The following CDIN1 variants were observed in gnomAD, a reference collection of about 807,000 sequenced individuals.
CDIN1 encodes the protein CDAN1-interacting nuclease 1.
In CDIN1, 33 loss-of-function variants were observed where a neutral mutation model predicts 45.3. That is an observed-to-expected ratio of 0.73 (90% confidence interval 0.55 to 0.97). CDIN1 has a LOEUF of 0.97. CDIN1 is among the 50% of genes least tolerant of loss of function. The pLI is 0.00. For synonymous variants in CDIN1, 118 were observed against 124.4 expected, an observed-to-expected ratio of 0.95 and a Z score of 0.34; for missense variants, 303 against 339.4, an observed-to-expected ratio of 0.89 and a Z score of 0.84.
At chr15:36,593,402 G>T (rs1235624305) in intron 1 of CDIN1, among the ~76,000 whole-genome samples, 1 of 152,106 alleles carries the variant, frequency 6.6e-6, no homozygotes, top group Non-Finnish European at 1.5e-5. Flanking sequence ...TCTCTATCAG[G>T]TAGTAGCTTG....
chr15:36,749,105 C>T (rs1435264393), intron 10 of CDIN1, among the ~76,000 whole-genome samples: 1 of 152,146 alleles, frequency 6.6e-6, no homozygotes, highest in African/African-American at 2.4e-5. Flanking sequence ...TTAATAATTA[C>T]TGTTCCAAAA....
At chr15:36,644,944 A>G (rs1306820988) in intron 2 of CDIN1, among the ~76,000 whole-genome samples, 1 of 152,132 alleles carries the variant, frequency 6.6e-6, no homozygotes, top group Non-Finnish European at 1.5e-5. Flanking sequence ...CCCTAAGCAA[A>G]CTTATTTAGA....
chr15:36,726,265 G>A (rs574834353), intron 10 of CDIN1, among the ~76,000 whole-genome samples: 35 of 152,246 alleles, frequency 2.3e-4, no homozygotes, highest in African/African-American at 7.9e-4. Context: ...TTCAAATGGT[G>A]TCATGTCACT....
At chr15:36,728,457 A>G (rs1169667964) in intron 10 of CDIN1, among the ~76,000 whole-genome samples, 2 of 151,990 alleles carry the variant, frequency 1.3e-5, no homozygotes, top group Middle Eastern at 3.4e-3. Flanking sequence ...TTGGATTTCT[A>G]TTAGCCAGCC....
At chr15:36,795,570 TAAC>T (rs1404083609) in intron 10 of CDIN1, among the ~76,000 whole-genome samples, 4 of 152,210 alleles carry the variant, frequency 2.6e-5, no homozygotes, top group Non-Finnish European at 5.9e-5. Flanking sequence ...GTCATGTTAT[TAAC>T]AACAGAAACT....
chr15:36,593,995 T>A (rs574956137), intron 1 of CDIN1, among the ~76,000 whole-genome samples: 1 of 152,376 alleles, frequency 6.6e-6, no homozygotes, highest in African/African-American at 2.4e-5. Flanking sequence ...CTTAAGACTT[T>A]GGTTTTACTA....
rs7181723 is a variant in CDIN1, at chr15:36,763,068, G to T, written c.717-45256G>T. The stretch of plus-strand genomic sequence containing the variant: ...TTCTAGATCCCTGAGGAATCACCAC[G>T]CTGACTTCCACAATGGTTGAACCAG... On this transcript the variant is annotated intron_variant, in intron 10 of 10. Transcript: ENST00000566621. Among the ~76,000 whole-genome samples the T allele has an allele frequency of 9.9e-5, 15 of 152,258 alleles. 1 individual carries two copies. The highest frequency in any genetic ancestry group is 6.8e-3 in the Middle Eastern group (2 of 294).
chr15:36,790,515 A>T (rs2054616663), intron 10 of CDIN1, among the ~76,000 whole-genome samples: 1 of 152,224 alleles, frequency 6.6e-6, no homozygotes, highest in African/African-American at 2.4e-5. Context: ...TAACGTAGCT[A>T]GAAAAGAGGG....
intron 10 of CDIN1, among the ~76,000 whole-genome samples, chr15:36,740,328 A>C (rs2044187668): frequency 6.6e-6 from 1 of 152,094 alleles, no homozygotes; most frequent in Non-Finnish European, 1.5e-5. Flanking sequence ...ACCACTTTTA[A>C]GCTACGTAAG....
At chr15:36,739,891 A>C (rs1324158354) in intron 10 of CDIN1, among the ~76,000 whole-genome samples, 1 of 152,256 alleles carries the variant, frequency 6.6e-6, no homozygotes, top group Non-Finnish European at 1.5e-5. Context: ...TTCTGAATGA[A>C]ATATACAAAG....
At chr15:36,714,122 A>G (rs2140851662) in intron 10 of CDIN1, among the ~76,000 whole-genome samples, 1 of 152,176 alleles carries the variant, frequency 6.6e-6, no homozygotes, top group South Asian at 2.1e-4. Context: ...TGAGAATTCA[A>G]CTCGAAGTAT....
intron 10 of CDIN1, among the ~76,000 whole-genome samples, chr15:36,787,338 A>C (rs1373389250): frequency 6.6e-6 from 1 of 152,160 alleles, no homozygotes; most frequent in African/African-American, 2.4e-5. Context: ...CTCCATCACT[A>C]CCATTGAAAT....
intron 5 of CDIN1, among the ~76,000 whole-genome samples, chr15:36,683,403 T>C (rs1279743845): frequency 2.1e-5 from 2 of 97,498 alleles, no homozygotes; most frequent in Non-Finnish European, 4.1e-5. Context: ...TGCGGCGTTA[T>C]TTCTGAGGGC....
At chr15:36,682,781 A>G (rs998491624) in intron 5 of CDIN1, among the ~76,000 whole-genome samples, 3 of 151,616 alleles carry the variant, frequency 2.0e-5, no homozygotes, top group East Asian at 1.9e-4. Context: ...AAAAAAAAAA[A>G]AAAAAGAAAA....
At chr15:36,650,419 T>A (rs1349754764) in intron 3 of CDIN1, among the ~76,000 whole-genome samples, 4 of 75,338 alleles carry the variant, frequency 5.3e-5, no homozygotes, top group African/African-American at 2.2e-4. Flanking sequence ...TATTTATTTA[T>A]TTATTTATTT....
Position 36,808,676 on chromosome 15 carries a change from A to G in CDIN1, c.*223A>G. The G allele has an allele frequency of 1.7e-6, 1 of 577,472 alleles. No homozygotes were observed. Among genetic ancestry groups the G allele is most frequent in the Non-Finnish European group, 3.1e-6 (1 of 325,326 alleles). The allele number at this position is 577,472 out of a possible 1,614,324, so 35.8% of individuals were successfully genotyped here. A position where few individuals can be genotyped will look rare whatever the true frequency, so the allele number is the denominator to read the frequency against. On this transcript the variant is annotated 3_prime_UTR_variant, in exon 11 of 11. Coordinates refer to ENST00000566621, the MANE Select transcript of CDIN1 (RefSeq NM_001321759.2). ...CAAGAACTACAGACACAACCCACTC[A>G]TTATCAGCATTTCTGTCTCTGTCAA...
At chr15:36,736,799 C>T (rs146909067) in intron 10 of CDIN1, among the ~76,000 whole-genome samples, 11 of 152,246 alleles carry the variant, frequency 7.2e-5, no homozygotes, top group African/African-American at 1.9e-4. Context: ...AGCCATATCC[C>T]AAGATGTTAC....
intron 1 of CDIN1, among the ~76,000 whole-genome samples, chr15:36,593,865 AATG>A (rs934348956): frequency 3.3e-5 from 5 of 152,094 alleles, no homozygotes; most frequent in Non-Finnish European, 7.3e-5. Context: ...CGCCTGGCTG[AATG>A]AGAGTTTTTA....
chr15:36,746,469 C>T (rs1013361624), intron 10 of CDIN1, among the ~76,000 whole-genome samples: 1 of 151,988 alleles, frequency 6.6e-6, no homozygotes, highest in African/African-American at 2.4e-5. Context: ...AGTTACATTC[C>T]TTATATTCAG....
Sources: gnomAD v4.1 joint callset for allele counts (sites outside exome capture counted in the v4.1 genomes callset) on GRCh38, gnomAD v4.1.1 for gene constraint, MANE v1.5 for transcripts, NCBI Gene and HGNC (gene_info 2026-07-23, HGNC 2026-07-21) for gene names.